AK8: variants seen among roughly 807,000 people sequenced by gnomAD.
AK8 encodes ATP-AMP transphosphorylase 8.
In AK8, 44 loss-of-function variants were observed where a neutral mutation model predicts 54.6. That is an observed-to-expected ratio of 0.81 (90% CI 0.63 to 1.04). The LOEUF (loss-of-function observed/expected upper bound fraction) is 1.04. AK8 is among the 50% of genes least tolerant of loss of function. AK8 has a pLI of 0.00. For synonymous variants in AK8, 239 were observed against 245.6 expected (o/e 0.97, Z 0.25); for missense variants, 555 against 613.6 (o/e 0.90, Z 1.01).
rs78903863 is a variant in AK8, at chr9:132,871,358, C to T, written c.169+3757G>A. ...TTTTTGCTTCACTTGTCCACAGAGG[C>T]GTGGGCAAAGAGAGAGAAACCCATG... On this transcript the variant is annotated intron_variant, in intron 2 of 12. Coordinates refer to ENST00000298545, the MANE Select transcript of AK8 (RefSeq NM_152572.3). 5.5e-3 allele frequency among the ~76,000 whole-genome samples: 831 copies of T among 152,304 alleles called. 11 individuals carry two copies. The highest frequency in any genetic ancestry group is 0.018 in the African/African-American group (761 of 41,570).
At chr9:132,763,280 C>T (rs1337483774) in intron 11 of AK8, among the ~76,000 whole-genome samples, 2 of 152,292 alleles carry the variant, frequency 1.3e-5, no homozygotes, top group Middle Eastern at 3.4e-3. Context: ...TGGCATAAAA[C>T]TAGAAATCAA....
chr9:132,774,148 C>A (rs1206891828), intron 11 of AK8, among the ~76,000 whole-genome samples: 5 of 152,120 alleles, frequency 3.3e-5, no homozygotes, highest in African/African-American at 1.2e-4. Flanking sequence ...GACCTAGAAT[C>A]CACGCTCCTG....
chr9:132,825,798 T>C (rs1056378499), intron 8 of AK8, among the ~76,000 whole-genome samples: 1 of 151,876 alleles, frequency 6.6e-6, no homozygotes, highest in African/African-American at 2.4e-5. Context: ...TCTTGGAGAG[T>C]TTTGAGAGAA....
Position 132,799,730 on chromosome 9 carries a change from A to T in AK8, c.980-6955T>A, listed in dbSNP as rs1840354170. On this transcript the variant is annotated intron_variant, in intron 10 of 12. Transcript: ENST00000298545. This position sits in a 1 kb window ranked among gnomAD's most constrained non-coding sequence, Gnocchi z 5.0. ...CATTACACAAACACATCTAGCAAAC[A>T]CACCTACATACCTACACCGCACCCA... Among the ~76,000 whole-genome samples, 2 of 151,944 alleles carry T rather than the reference A, an allele frequency of 1.3e-5. No homozygotes were observed. Among genetic ancestry groups the T allele is most frequent in the South Asian group, 4.2e-4 (2 of 4,810 alleles).
At chr9:132,800,238 C>T (rs1422094810) in intron 10 of AK8, among the ~76,000 whole-genome samples, 4 of 152,192 alleles carry the variant, frequency 2.6e-5, no homozygotes, top group Non-Finnish European at 4.4e-5. Flanking sequence ...AGAAATCCTG[C>T]GTGCCCTGAA....
At chr9:132,792,104 T>G in intron 11 of AK8, among the ~76,000 whole-genome samples, 1 of 152,292 alleles carries the variant, frequency 6.6e-6, no homozygotes, top group East Asian at 1.9e-4. Context: ...CTAAATAGCC[T>G]TTGCTTGCTT....
intron 11 of AK8, among the ~76,000 whole-genome samples, chr9:132,766,014 AC>A (rs1212482394): frequency 6.6e-6 from 1 of 152,260 alleles, no homozygotes; most frequent in African/African-American, 2.4e-5. Context: ...AAATTAACAT[AC>A]AAAAAATTAG....
intron 9 of AK8, among the ~76,000 whole-genome samples, chr9:132,816,324 C>T (rs1244424284): frequency 6.7e-6 from 1 of 148,634 alleles, no homozygotes; most frequent in Non-Finnish European, 1.5e-5. Context: ...CACTACACTC[C>T]AGCCTGGGTG....
intron 11 of AK8, among the ~76,000 whole-genome samples, chr9:132,771,250 T>G (rs1590221471): frequency 1.3e-5 from 2 of 152,128 alleles, no homozygotes; most frequent in Non-Finnish European, 2.9e-5. Context: ...GTAGGCCAGG[T>G]GCACAGCCCA....
At chr9:132,819,471 A>G (rs1841482870) in intron 9 of AK8, among the ~76,000 whole-genome samples, 2 of 152,208 alleles carry the variant, frequency 1.3e-5, no homozygotes, top group Admixed American at 1.3e-4. Context: ...TGAAGCAAAA[A>G]CTTGCAGAGA....
intron 5 of AK8, among the ~76,000 whole-genome samples, chr9:132,839,858 C>T (rs1451290848): frequency 6.7e-6 from 1 of 149,642 alleles, no homozygotes; most frequent in Non-Finnish European, 1.5e-5. Context: ...TGCTCTGTCA[C>T]CCAGGCTAGA....
Position 132,826,696 on chromosome 9 carries a change from C to G in AK8, c.757+158G>C, listed in dbSNP as rs1841882878. 6.6e-6 allele frequency among the ~76,000 whole-genome samples: 1 copy of G among 152,182 alleles called. No individual in the cohort carries two copies. Among genetic ancestry groups the G allele is most frequent in the South Asian group, 2.1e-4 (1 of 4,824 alleles). On this transcript the variant is annotated intron_variant, in intron 8 of 12. Transcript: ENST00000298545. This position sits in a 1 kb window ranked among gnomAD's most constrained non-coding sequence, Gnocchi z 4.5. ...CCAGGGGCTCTGCACACATGCATTTCTGGGCAGGGAACCCGGGTCATCTAT... is the reference window on the plus strand; with the variant it reads ...CCAGGGGCTCTGCACACATGCATTTGTGGGCAGGGAACCCGGGTCATCTAT...
At chr9:132,765,886 A>G (rs1428531423) in intron 11 of AK8, among the ~76,000 whole-genome samples, 1 of 152,244 alleles carries the variant, frequency 6.6e-6, no homozygotes, top group African/African-American at 2.4e-5. Context: ...ATTGGAAAGG[A>G]GGAAGTCAAA....
At chr9:132,771,253 A>T (rs901177541) in intron 11 of AK8, among the ~76,000 whole-genome samples, 5 of 152,206 alleles carry the variant, frequency 3.3e-5, no homozygotes, top group African/African-American at 4.8e-5. Flanking sequence ...GGCCAGGTGC[A>T]CAGCCCAGGG....
At chr9:132,751,074 A>G (rs974994829) in intron 11 of AK8, among the ~76,000 whole-genome samples, 6 of 152,118 alleles carry the variant, frequency 3.9e-5, no homozygotes, top group Admixed American at 1.3e-4. Flanking sequence ...AGGTACACAG[A>G]ACTGCAATTT....
chr9:132,782,689 C>CA (rs147733384), intron 11 of AK8, among the ~76,000 whole-genome samples: 13,272 of 139,664 alleles, frequency 0.095, 1,941 homozygotes, highest in African/African-American at 0.32. Context: ...AATTCCGTCT[C>CA]AAAAAAAAAA....
intron 10 of AK8, among the ~76,000 whole-genome samples, chr9:132,801,219 C>A (rs79907455): frequency 1.3e-5 from 2 of 152,170 alleles, no homozygotes. Flanking sequence ...TGAGCCACCA[C>A]GCCTGGCCAG....
At chr9:132,842,695 G>C (rs1190041012) in intron 5 of AK8, among the ~76,000 whole-genome samples, 4 of 152,236 alleles carry the variant, frequency 2.6e-5, no homozygotes, top group African/African-American at 9.6e-5. Context: ...GCTCAGCTGG[G>C]TCCTCTGCTC....
chr9:132,776,753 C>T (rs574740172), intron 11 of AK8, among the ~76,000 whole-genome samples: 19 of 152,328 alleles, frequency 1.2e-4, no homozygotes, highest in African/African-American at 4.6e-4. Context: ...CTTCTCATCC[C>T]ACCCCAAGAC....
Sources: allele counts gnomAD v4.1 joint callset (sites outside exome capture counted in the v4.1 genomes callset), GRCh38; gene constraint gnomAD v4.1.1; non-coding constraint Gnocchi (gnomAD v3.1); transcripts MANE v1.5; gene names NCBI Gene and HGNC (gene_info 2026-07-23, HGNC 2026-07-21).